The following ABHD6 variants were observed in gnomAD, a reference collection of about 807,000 sequenced individuals.
ABHD6 encodes the protein abhydrolase domain containing 6, acylglycerol lipase.
ABHD6 carries 33 observed loss-of-function variants against 38.8 expected under a neutral mutation model. The ratio of observed to expected loss-of-function variants is 0.85; its 90% confidence interval spans 0.64 to 1.14. ABHD6 has a LOEUF of 1.14. ABHD6 is among the 50% of genes most tolerant of loss of function. The probability of loss-of-function intolerance (pLI) is 0.00; values close to 1 mark genes in which losing one functional copy is unlikely to be tolerated. For synonymous variants in ABHD6, 147 were observed against 161.6 expected, an observed-to-expected ratio of 0.91 and a Z score of 0.69; for missense variants, 380 against 422.6, an observed-to-expected ratio of 0.90 and a Z score of 0.88.
Position 58,293,919 on chromosome 3 carries a change from C to T in ABHD6, c.*154C>T, listed in dbSNP as rs2097465391. ...CCTTATCCCTGGTATCCACGGTTCC[C>T]CAGAGCTTTGGGGACCACGCGAAAA... On this transcript the variant is annotated 3_prime_UTR_variant, in exon 10 of 10. Transcript: ENST00000478253. The surrounding 1 kb of genome is among the most constrained non-coding windows in gnomAD (Gnocchi z 4.4). 2.5e-6 allele frequency: 2 copies of T among 799,060 alleles called. No homozygotes were observed. The highest frequency in any genetic ancestry group is 5.5e-5 in the East Asian group (2 of 36,286). 49.5% of individuals were successfully genotyped at this position (799,060 alleles called of 1,614,324 possible).
chr3:58,292,932 C>T (rs2097464285), intron 9 of ABHD6, among the ~76,000 whole-genome samples: 1 of 152,122 alleles, frequency 6.6e-6, no homozygotes, highest in African/African-American at 2.4e-5. Context: ...TAAAGAGATA[C>T]CCCCAGCTTG....
intron 1 of ABHD6, among the ~76,000 whole-genome samples, chr3:58,244,409 A>G (rs1195064818): frequency 6.6e-6 from 1 of 152,192 alleles, no homozygotes; most frequent in Admixed American, 6.5e-5. Context: ...AGTGATGACC[A>G]AATGTTAATT....
chr3:58,264,444 CAT>C lies in ABHD6; in HGVS notation c.120-2742_120-2741del, dbSNP rs1345503955. On this transcript the variant is annotated intron_variant, in intron 3 of 9. Coordinates refer to ENST00000478253, the MANE Select transcript of ABHD6 (RefSeq NM_001320126.2). Reference sequence around the variant, plus strand: ...ACACACACACACACACACACACACACATATGCCAGGTGCAGTGGCTCAGTGGC... The same window carrying C: ...ACACACACACACACACACACACACACATGCCAGGTGCAGTGGCTCAGTGGC... Among the ~76,000 whole-genome samples the C allele has an allele frequency of 1.4e-3, 133 of 97,644 alleles. 3 individuals carry two copies. The highest frequency in any genetic ancestry group is 6.0e-3 in the African/African-American group (94 of 15,590). 64.1% of individuals were successfully genotyped at this position (97,644 alleles called of 152,430 possible). A position where few individuals can be genotyped will look rare whatever the true frequency, so the allele number is the denominator to read the frequency against.
chr3:58,240,731 ATTT>A (rs34994874), intron 1 of ABHD6, among the ~76,000 whole-genome samples: 1 of 134,368 alleles, frequency 7.4e-6, no homozygotes, highest in Non-Finnish European at 1.5e-5. Context: ...AACCTGGGTA[ATTT>A]TTTTTTTTTT....
rs147044751 is a variant in ABHD6 at position 58,294,138 on chromosome 3, T to C, written c.*373T>C. On this transcript the variant is annotated 3_prime_UTR_variant, in exon 10 of 10. Transcript: ENST00000478253. ...TAGTTGGAGACTCAAGATATTTTTG[T>C]TGCATCAGGTGTATTCCCTTGCATG... The C allele has an allele frequency of 5.3e-3, 952 of 178,082 alleles. 7 individuals are homozygous for C. The highest frequency in any genetic ancestry group is 0.016 in the Middle Eastern group (6 of 380). The allele number at this position is 178,082 out of a possible 1,614,324, so 11.0% of individuals were successfully genotyped here.
chr3:58,292,686 G>A (rs1376617740), intron 9 of ABHD6, among the ~76,000 whole-genome samples: 3 of 152,062 alleles, frequency 2.0e-5, no homozygotes, highest in Non-Finnish European at 4.4e-5. Flanking sequence ...GGAGGCTGAG[G>A]CAGGTGGATC....
chr3:58,286,696 A>T (rs1052710977), intron 9 of ABHD6, among the ~76,000 whole-genome samples: 5 of 151,382 alleles, frequency 3.3e-5, no homozygotes, highest in Non-Finnish European at 7.4e-5. Flanking sequence ...GCACACGTAT[A>T]GTGTATATAT....
chr3:58,260,175 A>G (rs559742974), intron 3 of ABHD6, among the ~76,000 whole-genome samples: 12 of 152,374 alleles, frequency 7.9e-5, no homozygotes, highest in Non-Finnish European at 1.3e-4. Context: ...AAATAATACC[A>G]CAAAAAAACC....
At chr3:58,289,716 T>C (rs1392413197) in intron 9 of ABHD6, among the ~76,000 whole-genome samples, 1 of 152,126 alleles carries the variant, frequency 6.6e-6, no homozygotes, top group Non-Finnish European at 1.5e-5. Flanking sequence ...AAAACCACCA[T>C]TGTCATCATG....
At position 58,294,320 on chromosome 3, in the gene ABHD6, G is replaced by A. The variant is rs2097465792; in HGVS notation, c.*555G>A. ...GCTGTAGAAAATGTTTACACGCATG[G>A]AGGGGCATTGCTCTAGCCCTCAGAG... On this transcript the variant is annotated 3_prime_UTR_variant, in exon 10 of 10. Coordinates refer to ENST00000478253, the MANE Select transcript of ABHD6 (RefSeq NM_001320126.2). 1.3e-5 allele frequency: 2 copies of A among 153,212 alleles called. No homozygotes were observed. Among genetic ancestry groups the A allele is most frequent in the Admixed American group, 6.5e-5 (1 of 15,348 alleles). 9.5% of individuals were successfully genotyped at this position (153,212 alleles called of 1,614,324 possible). A position where few individuals can be genotyped will look rare whatever the true frequency, so the allele number is the denominator to read the frequency against.
rs78677442 is a variant in ABHD6, at chr3:58,283,421, C to T, written c.682-1664C>T. Among the ~76,000 whole-genome samples, 992 of 152,326 alleles carry T rather than the reference C, an allele frequency of 6.5e-3. 2 individuals are homozygous for T. The highest frequency in any genetic ancestry group is 0.022 in the South Asian group (105 of 4,832). On this transcript the variant is annotated intron_variant, in intron 7 of 9. Coordinates refer to ENST00000478253, the MANE Select transcript of ABHD6 (RefSeq NM_001320126.2). ...CATGTCATATTGTGTTGTGATTGCA[C>T]GTCTGTGTCTTCCACTAGGGACTTT...
rs2097443418 is a variant in ABHD6, at chr3:58,269,645, C to T, written c.390+211C>T. Reference sequence around the variant, plus strand: ...GCTTATTACAGACTTAAGCCTATTGCAGTTGTTTGTAACGAAATACAATCT... The same window carrying T: ...GCTTATTACAGACTTAAGCCTATTGTAGTTGTTTGTAACGAAATACAATCT... On this transcript the variant is annotated intron_variant, in intron 5 of 9. Coordinates refer to ENST00000478253, the MANE Select transcript of ABHD6 (RefSeq NM_001320126.2). The surrounding 1 kb of genome is among the most constrained non-coding windows in gnomAD (Gnocchi z 4.4). Among the ~76,000 whole-genome samples, 1 of 152,214 alleles carries T rather than the reference C, an allele frequency of 6.6e-6. No individual in the cohort carries two copies. Among genetic ancestry groups the T allele is most frequent in the Non-Finnish European group, 1.5e-5 (1 of 68,042 alleles).
intron 1 of ABHD6, among the ~76,000 whole-genome samples, chr3:58,240,228 G>A (rs2097421823): frequency 6.6e-6 from 1 of 151,994 alleles, no homozygotes; most frequent in Non-Finnish European, 1.5e-5. Flanking sequence ...GCTTCACTAT[G>A]TCATATTCTT....
intron 5 of ABHD6, among the ~76,000 whole-genome samples, chr3:58,270,376 T>C (rs1559778235): frequency 6.6e-6 from 1 of 152,146 alleles, no homozygotes; most frequent in Non-Finnish European, 1.5e-5. Context: ...TTGACTGCTT[T>C]TGTCTGCAAC....
intron 2 of ABHD6, among the ~76,000 whole-genome samples, chr3:58,253,229 T>A (rs2097431201): frequency 1.3e-5 from 2 of 151,936 alleles, no homozygotes; most frequent in Admixed American, 6.6e-5. Context: ...TCAGAGTCTA[T>A]GATATATATG....
At chr3:58,260,740 T>C (rs2097436370) in intron 3 of ABHD6, among the ~76,000 whole-genome samples, 1 of 152,170 alleles carries the variant, frequency 6.6e-6, no homozygotes, top group South Asian at 2.1e-4. Context: ...CAGCAGGCAG[T>C]AGAGGTAGCT....
At chr3:58,240,862 C>G (rs2097422320) in intron 1 of ABHD6, among the ~76,000 whole-genome samples, 1 of 151,762 alleles carries the variant, frequency 6.6e-6, no homozygotes, top group African/African-American at 2.4e-5. Context: ...TCCAGAGTAG[C>G]TGGGATTACA....
rs3038091 is a variant in ABHD6, at chr3:58,271,766, G to GTTTTTTTT, written c.523+719_523+726dup. Among the ~76,000 whole-genome samples the GTTTTTTTT allele has an allele frequency of 7.4e-3, 468 of 63,632 alleles. 72 individuals carry two copies. Among genetic ancestry groups the GTTTTTTTT allele is most frequent in the Middle Eastern group, 0.015 (1 of 68 alleles). The allele number at this position is 63,632 out of a possible 152,430, so 41.7% of individuals were successfully genotyped here. On this transcript the variant is annotated intron_variant, in intron 6 of 9. Coordinates refer to ENST00000478253, the MANE Select transcript of ABHD6 (RefSeq NM_001320126.2). ...CTCTCCTCTATCTCCCCCTCTCTCT[G>GTTTTTTTT]TTTTTTTTTTTTTTTTTTTTTTTTG...
intron 9 of ABHD6, among the ~76,000 whole-genome samples, chr3:58,288,254 C>A (rs1231315600): frequency 6.6e-6 from 1 of 152,182 alleles, no homozygotes; most frequent in Non-Finnish European, 1.5e-5. Context: ...CCTACCAGGC[C>A]AAATTCAGCT....
Sources: allele counts gnomAD v4.1 joint callset (sites outside exome capture counted in the v4.1 genomes callset), GRCh38; gene constraint gnomAD v4.1.1; non-coding constraint Gnocchi (gnomAD v3.1); transcripts MANE v1.5; gene names NCBI Gene and HGNC (gene_info 2026-07-23, HGNC 2026-07-21).